The following EML6 variants were observed in gnomAD, a reference collection of about 807,000 sequenced individuals.
EML6 encodes echinoderm microtubule-associated protein-like 6.
In EML6, 154 loss-of-function variants were observed where a neutral mutation model predicts 240.1. That is an observed-to-expected ratio of 0.64 (90% CI 0.56 to 0.73). The LOEUF (loss-of-function observed/expected upper bound fraction) is 0.73, where lower values mean the gene tolerates loss of function less well. EML6 is among the 30% of genes least tolerant of loss of function. The pLI is 0.00. For missense variants in EML6, 2,964 were observed against 2,474.6 expected (o/e 1.20, Z -4.20); for synonymous variants, 1,148 against 899.0 (o/e 1.28, Z -4.95).
intron 5 of EML6, among the ~76,000 whole-genome samples, chr2:54,826,894 C>T (rs935450434): frequency 6.6e-6 from 1 of 152,000 alleles, no homozygotes; most frequent in African/African-American, 2.4e-5. Context: ...TAGATATAGC[C>T]GAGTGCAGTG....
At chr2:54,834,874 C>G (rs1365327286) in intron 7 of EML6, among the ~76,000 whole-genome samples, 1 of 152,204 alleles carries the variant, frequency 6.6e-6, no homozygotes, top group Non-Finnish European at 1.5e-5. Context: ...CTGCTTCGAC[C>G]ACCATCCTCT....
chr2:54,863,840 A>C lies in EML6; in HGVS notation c.1883A>C (p.Glu628Ala). ...ESDSDLSDVP[E>A]LDSDIEQEAQ... ...GATTCAGATTTATCTGATGTGCCCG[A>C]ACTGGACTCTGATATTGAGCAAGAA... The change falls in exon 13 of 42, where the codon GAA becomes GCA. Residue 628 changes from glutamate to alanine, a missense_variant. Physicochemically the swap from Glu to Ala is moderately radical, Grantham distance 107. Coordinates refer to ENST00000356458, the MANE Select transcript of EML6 (RefSeq NM_001039753.4). 1 of 1,549,608 alleles carries C rather than the reference A, an allele frequency of 6.5e-7. No homozygotes were observed. Among genetic ancestry groups the C allele is most frequent in the Non-Finnish European group, 8.7e-7 (1 of 1,146,100 alleles).
chr2:54,856,360 A>AT (rs548232521), intron 11 of EML6, among the ~76,000 whole-genome samples: 46 of 152,302 alleles, frequency 3.0e-4, no homozygotes, highest in Middle Eastern at 3.4e-3. Context: ...TGGGAGACTC[A>AT]GAGGCTCTCC....
rs777943123 is a variant in EML6, at chr2:54,869,330, C to T, written c.2201C>T (p.Thr734Ile). ...LGHDDDILSL[T>I]IHPVKDYVAT... ...CACGATGACGACATTCTCAGCCTGACCATCCATCCAGTGAAGGACTATGTG... is the reference window on the plus strand; with the variant it reads ...CACGATGACGACATTCTCAGCCTGATCATCCATCCAGTGAAGGACTATGTG... The change falls in exon 15 of 42, where the codon ACC (threonine) becomes ATC (isoleucine). Residue 734 changes from threonine to isoleucine, a missense_variant. Transcript: ENST00000356458. 2.5e-5 allele frequency: 39 copies of T among 1,551,598 alleles called. 1 individual carries two copies. The South Asian group carries it at 4.4e-4, about 18-fold the overall frequency.
chr2:54,737,270 C>A (rs545079593), intron 2 of EML6, among the ~76,000 whole-genome samples: 1 of 152,036 alleles, frequency 6.6e-6, no homozygotes, highest in African/African-American at 2.4e-5. Context: ...ACAGCAGCAG[C>A]GACAACAATA....
chr2:54,928,499 G>T lies in EML6; in HGVS notation c.3862G>T (p.Val1288Leu), dbSNP rs756700188. ...LVDSEESDTD[V>L]EEDGGYDSDV... ...GGACAGCGAGGAGTCAGACACCGAC[G>T]TGGAAGAGGATGGAGGTGAGCCCCC... The change falls in exon 27 of 42, where the codon GTG becomes TTG. Residue 1288 changes from valine (V) to leucine (L), a missense_variant. By Grantham distance (32) the Val-to-Leu change is conservative. Coordinates refer to ENST00000356458, the MANE Select transcript of EML6 (RefSeq NM_001039753.4). The T allele has an allele frequency of 5.9e-5, 91 of 1,545,586 alleles. No homozygotes were observed. Among genetic ancestry groups the T allele is most frequent in the Middle Eastern group, 3.3e-4 (2 of 5,976 alleles).
intron 2 of EML6, among the ~76,000 whole-genome samples, chr2:54,797,166 A>AAAAAAAAAAAC: frequency 1.0e-5 from 1 of 100,440 alleles, no homozygotes; most frequent in Non-Finnish European, 2.3e-5. Context: ...CTCCATCTCA[A>AAAAAAAAAAAC]AAAAAAAAAA....
At chr2:54,934,491 C>T (rs754100307) in intron 28 of EML6, among the ~76,000 whole-genome samples, 1 of 151,944 alleles carries the variant, frequency 6.6e-6, no homozygotes, top group African/African-American at 2.4e-5. Context: ...GTCATTTAGT[C>T]CTCTGGCCTA....
At position 54,899,630 on chromosome 2, in the gene EML6, C is replaced by G; in HGVS notation, c.2983-11C>G. 1 of 1,551,642 alleles carries G rather than the reference C, an allele frequency of 6.4e-7. No individual in the cohort carries two copies. The highest frequency in any genetic ancestry group is 1.7e-4 in the Middle Eastern group (1 of 5,984). ...AGTAGAGTTTATGTTGCCCCTTTTCCTCTCCCACAGGGGCACATGGAAGGA... is the reference window on the plus strand; with the variant it reads ...AGTAGAGTTTATGTTGCCCCTTTTCGTCTCCCACAGGGGCACATGGAAGGA... On this transcript the variant is annotated splice_polypyrimidine_tract_variant and intron_variant, in intron 21 of 41. Coordinates refer to ENST00000356458, the MANE Select transcript of EML6 (RefSeq NM_001039753.4).
rs1553380376 is a variant in EML6 at position 54,797,177 on chromosome 2, A to AAAAAACAAAAAAAAAC, written c.198-16050_198-16049insCAAAAAAAAACAAAAA. On this transcript the variant is annotated intron_variant, in intron 2 of 41. Transcript: ENST00000356458. ...AAGACTCCATCTCAAAAAAAAAAAA[A>AAAAAACAAAAAAAAAC]AAAAAAAAAAAACTGTGATCTTGTA... 3.2e-3 allele frequency among the ~76,000 whole-genome samples: 421 copies of AAAAAACAAAAAAAAAC among 132,722 alleles called. 7 individuals are homozygous for AAAAAACAAAAAAAAAC. Among genetic ancestry groups the AAAAAACAAAAAAAAAC allele is most frequent in the Non-Finnish European group, 5.3e-3 (326 of 61,476 alleles). The allele number at this position is 132,722 out of a possible 152,430, so 87.1% of individuals were successfully genotyped here. A position where few individuals can be genotyped will look rare whatever the true frequency, so the allele number is the denominator to read the frequency against.
chr2:54,879,190 C>T (rs912803059), intron 16 of EML6, among the ~76,000 whole-genome samples: 1 of 152,210 alleles, frequency 6.6e-6, no homozygotes, highest in South Asian at 2.1e-4. Context: ...GTTTTTGTAG[C>T]TTACCTGAGA....
At chr2:54,889,176 A>G (rs1336499670) in intron 17 of EML6, among the ~76,000 whole-genome samples, 3 of 152,192 alleles carry the variant, frequency 2.0e-5, no homozygotes, top group Non-Finnish European at 2.9e-5. Flanking sequence ...CACAGGTACT[A>G]TACTGTTTTA....
intron 2 of EML6, among the ~76,000 whole-genome samples, chr2:54,727,714 G>A (rs1445791335): frequency 4.6e-5 from 7 of 152,162 alleles, no homozygotes. Context: ...GTTTCCATCA[G>A]GTGAGATAGC....
Position 54,797,164 on chromosome 2 carries a change from C to CAAAAAAAAAAAAAAAAAAAA in EML6, c.198-16062_198-16043dup, listed in dbSNP as rs773498648. ...TGGGTGACAGAGCAAGACTCCATCTCAAAAAAAAAAAAAAAAAAAAAAAAA... is the reference window on the plus strand; with the variant it reads ...TGGGTGACAGAGCAAGACTCCATCTCAAAAAAAAAAAAAAAAAAAAAAAAAAAAAAAAAAAAAAAAAAAAA... On this transcript the variant is annotated intron_variant, in intron 2 of 41. Coordinates refer to ENST00000356458, the MANE Select transcript of EML6 (RefSeq NM_001039753.4). Among the ~76,000 whole-genome samples, 12 of 43,830 alleles carry CAAAAAAAAAAAAAAAAAAAA rather than the reference C, an allele frequency of 2.7e-4. 2 individuals carry two copies. In the East Asian group the frequency reaches 3.7e-3, roughly 13 times the overall value. The allele number at this position is 43,830 out of a possible 152,430, so 28.8% of individuals were successfully genotyped here.
intron 2 of EML6, among the ~76,000 whole-genome samples, chr2:54,800,019 G>C (rs1670035917): frequency 6.6e-6 from 1 of 152,132 alleles, no homozygotes; most frequent in Non-Finnish European, 1.5e-5. Context: ...GCTTGAGGCA[G>C]GTGGATCATG....
At chr2:54,887,047 T>C (rs1390175949) in intron 17 of EML6, among the ~76,000 whole-genome samples, 1 of 152,206 alleles carries the variant, frequency 6.6e-6, no homozygotes, top group East Asian at 1.9e-4. Context: ...TTCTAAACAA[T>C]GTTAGTGATG....
At chr2:54,946,173 A>G (rs571381976) in intron 28 of EML6, among the ~76,000 whole-genome samples, 16 of 152,202 alleles carry the variant, frequency 1.1e-4, no homozygotes, top group Non-Finnish European at 1.9e-4. Context: ...TGCCAATGGA[A>G]GCTCTTTCTC....
intron 2 of EML6, among the ~76,000 whole-genome samples, chr2:54,808,810 A>G (rs936272329): frequency 1.3e-5 from 2 of 152,024 alleles, no homozygotes; most frequent in Non-Finnish European, 2.9e-5. Flanking sequence ...AATCTTCGTG[A>G]TCTTATCTGA....
chr2:54,840,841 A>C (rs1363934410), intron 7 of EML6, among the ~76,000 whole-genome samples: 8 of 152,198 alleles, frequency 5.3e-5, no homozygotes, highest in African/African-American at 1.9e-4. Context: ...ATACAGTAAA[A>C]GTAGATTATT....
Sources: gnomAD v4.1 joint callset for allele counts (sites outside exome capture counted in the v4.1 genomes callset) on GRCh38, gnomAD v4.1.1 for gene constraint, MANE v1.5 for transcripts, NCBI Gene and HGNC (gene_info 2026-07-23, HGNC 2026-07-21) for gene names.